The following CACNB4 variants were observed in gnomAD, a reference collection of about 807,000 sequenced individuals.
CACNB4 encodes voltage-dependent L-type calcium channel subunit beta-4.
In CACNB4, 32 loss-of-function variants were observed where a neutral mutation model predicts 71.2. The ratio of observed to expected loss-of-function variants is 0.45; its 90% CI spans 0.34 to 0.60. CACNB4 has a LOEUF of 0.60. Ranked by LOEUF, CACNB4 falls within the 20% of genes least tolerant of loss-of-function variation. The probability of loss-of-function intolerance (pLI) is 0.01; values close to 1 mark genes in which losing one functional copy is unlikely to be tolerated. For synonymous variants in CACNB4, 231 were observed against 236.9 expected, an observed-to-expected ratio of 0.97 and a Z score of 0.23; for missense variants, 464 against 647.9, an observed-to-expected ratio of 0.72 and a Z score of 3.08.
intron 2 of CACNB4, among the ~76,000 whole-genome samples, chr2:152,071,607 TTTGG>T (rs1168886941): frequency 2.0e-5 from 3 of 152,194 alleles, no homozygotes; most frequent in Non-Finnish European, 2.9e-5. Context: ...AAACCTAAGA[TTTGG>T]TTGGTTTGGT....
chr2:152,071,238 A>G (rs1388754659), intron 2 of CACNB4, among the ~76,000 whole-genome samples: 1 of 152,174 alleles, frequency 6.6e-6, no homozygotes, highest in Non-Finnish European at 1.5e-5. Flanking sequence ...AAAAAGGGGG[A>G]AAAATACAGA....
chr2:151,956,697 A>T (rs764259988), intron 2 of CACNB4, among the ~76,000 whole-genome samples: 7 of 152,232 alleles, frequency 4.6e-5, no homozygotes, highest in Non-Finnish European at 1.0e-4. Flanking sequence ...ATATGCAGTG[A>T]AGCTGTTATT....
chr2:151,892,612 T>A (rs2099850995), intron 2 of CACNB4, among the ~76,000 whole-genome samples: 1 of 152,142 alleles, frequency 6.6e-6, no homozygotes, highest in Admixed American at 6.5e-5. Flanking sequence ...AGGTATGCCA[T>A]CAAAAACAGA....
At chr2:152,033,323 A>G (rs1217614052) in intron 2 of CACNB4, among the ~76,000 whole-genome samples, 3 of 151,972 alleles carry the variant, frequency 2.0e-5, no homozygotes, top group African/African-American at 7.3e-5. Flanking sequence ...GGCTGCCACC[A>G]CCTCTCTGAA....
chr2:151,897,875 C>T lies in CACNB4; in HGVS notation c.148-14505G>A, dbSNP rs539096691. On this transcript the variant is annotated intron_variant, in intron 2 of 13. Transcript: ENST00000539935. ...GCAAGCACTCAGCCAAGGAATCACA[C>T]AATGCAGGTTAATGAGAACACTTCA... Among the ~76,000 whole-genome samples the T allele has an allele frequency of 9.2e-5, 14 of 152,288 alleles. No homozygotes were observed. The South Asian group carries it at 2.9e-3, about 32-fold the overall frequency.
chr2:151,976,285 A>C (rs2099873785), intron 2 of CACNB4, among the ~76,000 whole-genome samples: 1 of 152,226 alleles, frequency 6.6e-6, no homozygotes, highest in South Asian at 2.1e-4. Context: ...GAGTTGCCTT[A>C]TCTGGCCTTT....
At chr2:152,082,594 A>G (rs1687421919) in intron 2 of CACNB4, among the ~76,000 whole-genome samples, 1 of 152,252 alleles carries the variant, frequency 6.6e-6, no homozygotes, top group Non-Finnish European at 1.5e-5. Flanking sequence ...CTATAATATT[A>G]GAACGTGATG....
intron 2 of CACNB4, among the ~76,000 whole-genome samples, chr2:152,027,852 C>CAAAAA (rs5835403): frequency 1.4e-4 from 11 of 76,204 alleles, no homozygotes; most frequent in African/African-American, 3.7e-4. Flanking sequence ...GACTCCGTCT[C>CAAAAA]AAAAAAAAAA....
At position 152,010,410 on chromosome 2, in the gene CACNB4, G is replaced by A. The variant is rs76341809; in HGVS notation, c.147+87920C>T. ...TGGGACTTGAGATCATTACAAGTTC[G>A]GTGTGGCACAGGGGAGATATGGCTA... is the stretch of plus-strand genomic sequence containing the variant. On this transcript the variant is annotated intron_variant, in intron 2 of 13. Coordinates refer to ENST00000539935, the MANE Select transcript of CACNB4 (RefSeq NM_000726.5). Among the ~76,000 whole-genome samples, 613 of 152,238 alleles carry A rather than the reference G, an allele frequency of 4.0e-3. 1 individual carries two copies. Among genetic ancestry groups the A allele is most frequent in the Non-Finnish European group, 6.3e-3 (431 of 68,014 alleles).
chr2:152,013,689 G>A (rs1683187834), intron 2 of CACNB4, among the ~76,000 whole-genome samples: 1 of 152,192 alleles, frequency 6.6e-6, no homozygotes, highest in Non-Finnish European at 1.5e-5. Context: ...ACCTCTTCAT[G>A]CAACCATTAC....
intron 2 of CACNB4, among the ~76,000 whole-genome samples, chr2:152,094,619 C>T (rs17326195): frequency 0.15 from 22,806 of 152,064 alleles, 1,995 homozygotes; most frequent in Middle Eastern, 0.29. Flanking sequence ...TCATTGAGCC[C>T]GCCCTCTCGT....
At chr2:151,955,858 C>T (rs2099868114) in intron 2 of CACNB4, among the ~76,000 whole-genome samples, 1 of 151,532 alleles carries the variant, frequency 6.6e-6, no homozygotes, top group African/African-American at 2.4e-5. Flanking sequence ...GCCATGATTG[C>T]ACTACTGCCC....
At chr2:151,934,675 A>ATGT (rs2099862486) in intron 2 of CACNB4, among the ~76,000 whole-genome samples, 2 of 152,232 alleles carry the variant, frequency 1.3e-5, no homozygotes. Context: ...CGTCTCTACT[A>ATGT]AAAATACACA....
At chr2:151,999,133 A>G (rs967935908) in intron 2 of CACNB4, among the ~76,000 whole-genome samples, 1 of 152,158 alleles carries the variant, frequency 6.6e-6, no homozygotes, top group East Asian at 1.9e-4. Context: ...TTAATTATCC[A>G]GACAATCAAT....
At chr2:151,971,627 A>G (rs1317357718) in intron 2 of CACNB4, 2 of 702,840 alleles carry the variant, frequency 2.8e-6, no homozygotes, top group Admixed American at 4.0e-5. Flanking sequence ...TCACCAGGTC[A>G]GCTATTTAGG....
intron 2 of CACNB4, among the ~76,000 whole-genome samples, chr2:151,919,574 A>G (rs1484928249): frequency 6.6e-6 from 1 of 152,186 alleles, no homozygotes; most frequent in Non-Finnish European, 1.5e-5. Flanking sequence ...ACTCCCCCTC[A>G]GGGTCCTGCA....
chr2:152,066,688 T>C (rs1340590524), intron 2 of CACNB4, among the ~76,000 whole-genome samples: 2 of 150,450 alleles, frequency 1.3e-5, no homozygotes, highest in Non-Finnish European at 3.0e-5. Flanking sequence ...TAAAGACACA[T>C]GCACACGTAT....
rs565530357 is a variant in CACNB4, at chr2:152,006,523, C to A, written c.147+91807G>T. On this transcript the variant is annotated intron_variant, in intron 2 of 13. Transcript: ENST00000539935. ...GTTCAAGCGATTCATGCCTCAGCCTCCCAAGTAGCTGGGACTACAGGTGTG... is the reference window on the plus strand; with the variant it reads ...GTTCAAGCGATTCATGCCTCAGCCTACCAAGTAGCTGGGACTACAGGTGTG... Among the ~76,000 whole-genome samples, 4 of 151,750 alleles carry A rather than the reference C, an allele frequency of 2.6e-5. No individual in the cohort carries two copies. In the East Asian group the frequency reaches 7.7e-4, roughly 29 times the overall value.
intron 2 of CACNB4, among the ~76,000 whole-genome samples, chr2:151,980,785 G>A (rs1274574322): frequency 6.6e-6 from 1 of 152,224 alleles, no homozygotes; most frequent in Non-Finnish European, 1.5e-5. Flanking sequence ...CAATGGTCCT[G>A]TTCAGATTCA....
Sources: gnomAD v4.1 joint callset for allele counts (sites outside exome capture counted in the v4.1 genomes callset) on GRCh38, gnomAD v4.1.1 for gene constraint, MANE v1.5 for transcripts, NCBI Gene and HGNC (gene_info 2026-07-23, HGNC 2026-07-21) for gene names.